LDLRAD1: variants seen among roughly 807,000 people sequenced by gnomAD.
The protein encoded by LDLRAD1 is low density lipoprotein receptor class A domain containing 1, also known as low-density lipoprotein receptor class A domain-containing protein 1.
LDLRAD1 carries 17 observed loss-of-function variants against 24.8 expected under a neutral mutation model. The ratio of observed to expected loss-of-function variants is 0.69; its 90% CI spans 0.47 to 1.03. The LOEUF is 1.03. Among genes scored for constraint, LDLRAD1 ranks in the 50% least tolerant of loss-of-function variants. The pLI, the probability that LDLRAD1 is intolerant of heterozygous loss-of-function variation, is 0.00. For missense variants in LDLRAD1, 277 were observed against 271.0 expected (o/e 1.02, Z -0.16); for synonymous variants, 103 against 108.2 (o/e 0.95, Z 0.30).
chr1:54,012,110 C>A (rs1656078065), intron 4 of LDLRAD1, 33 bp downstream of exon 4: 1 of 1,610,582 alleles, frequency 6.2e-7, no homozygotes, highest in Non-Finnish European at 8.5e-7. Flanking sequence ...GTGGGGGAAC[C>A]CCTGGGAGGG....
rs1485897356 is a variant in LDLRAD1 at position 54,015,941 on chromosome 1, C to T, written c.73+1435G>A. 2.6e-5 allele frequency among the ~76,000 whole-genome samples: 4 copies of T among 152,266 alleles called. No homozygotes were observed. The South Asian group carries it at 8.3e-4, about 31-fold the overall frequency. On this transcript the variant is annotated intron_variant, in intron 2 of 5. Transcript: ENST00000371360. The stretch of plus-strand genomic sequence containing the variant: ...AAGTGCTGGGATTACAGGTGTGAGC[C>T]ACCACACCGGCCTGGGGCTTTGTGA...
In LDLRAD1 at chr1:54,010,274, AC is replaced by A. The variant is rs1285240348; in HGVS notation, c.469+7del. 4.3e-6 allele frequency: 7 copies of A among 1,613,586 alleles called. No individual in the cohort carries two copies. ...CAGCCCCAGCCCAGCCTGTGCCCAG[AC>A]CCCTACCTGGGCTCAGTTCATCTGA... On this transcript the variant is annotated splice_region_variant and intron_variant, in intron 5 of 5. Coordinates refer to ENST00000371360, the MANE Select transcript of LDLRAD1 (RefSeq NM_001010978.4).
chr1:54,008,813 G>A lies in LDLRAD1; in HGVS notation c.*169C>T, dbSNP rs948870606. On this transcript the variant is annotated 3_prime_UTR_variant, in exon 6 of 6. Transcript: ENST00000371360. Reference sequence around the variant, plus strand: ...GCTCCTGGTCATTGGAAGCATTCAAGCAGAGGCTGAACAACTTGAAAGGAG... The same window carrying A: ...GCTCCTGGTCATTGGAAGCATTCAAACAGAGGCTGAACAACTTGAAAGGAG... 9.4e-6 allele frequency: 6 copies of A among 636,392 alleles called. No homozygotes were observed. Among genetic ancestry groups the A allele is most frequent in the Middle Eastern group, 3.4e-4 (1 of 2,916 alleles). The allele number at this position is 636,392 out of a possible 1,614,324, so 39.4% of individuals were successfully genotyped here.
At chr1:54,010,016 T>C (rs1057320100) in intron 5 of LDLRAD1, among the ~76,000 whole-genome samples, 1 of 152,198 alleles carries the variant, frequency 6.6e-6, no homozygotes, top group African/African-American at 2.4e-5. Flanking sequence ...ATGTACTCCT[T>C]GCATGACCAC....
At chr1:54,015,758 C>A (rs927428377) in intron 2 of LDLRAD1, among the ~76,000 whole-genome samples, 1 of 151,504 alleles carries the variant, frequency 6.6e-6, no homozygotes, top group Admixed American at 6.6e-5. Context: ...TGGGTTCAAG[C>A]GATTCTCCTG....
Position 54,008,830 on chromosome 1 carries a change from TGAAA to T in LDLRAD1, c.*148_*151del. The T allele has an allele frequency of 2.8e-6, 2 of 714,218 alleles. No homozygotes were observed. Among genetic ancestry groups the T allele is most frequent in the East Asian group, 5.4e-5 (2 of 37,056 alleles). 44.2% of individuals were successfully genotyped at this position (714,218 alleles called of 1,614,324 possible). On this transcript the variant is annotated 3_prime_UTR_variant, in exon 6 of 6. Transcript: ENST00000371360. Reference sequence around the variant, plus strand: ...GCATTCAAGCAGAGGCTGAACAACTTGAAAGGAGGAGAGAAAATTCCTATTCAGA... The same window carrying T: ...GCATTCAAGCAGAGGCTGAACAACTTGGAGGAGAGAAAATTCCTATTCAGA...
intron 4 of LDLRAD1, among the ~76,000 whole-genome samples, chr1:54,011,201 G>A (rs1656034758): frequency 6.6e-6 from 1 of 152,140 alleles, no homozygotes; most frequent in Non-Finnish European, 1.5e-5. Flanking sequence ...GAGGGCAAGG[G>A]AGCAATCTTC....
intron 4 of LDLRAD1, among the ~76,000 whole-genome samples, chr1:54,011,534 C>T (rs1342062906): frequency 2.0e-5 from 3 of 152,154 alleles, no homozygotes; most frequent in Non-Finnish European, 1.5e-5. Flanking sequence ...CTCCCCCACC[C>T]CACCCACTGC....
intron 2 of LDLRAD1, among the ~76,000 whole-genome samples, chr1:54,017,089 C>T (rs894252411): frequency 6.6e-6 from 1 of 152,216 alleles, no homozygotes; most frequent in African/African-American, 2.4e-5. Context: ...CGCTGGTGCT[C>T]TTTTCTCTGT....
intron 3 of LDLRAD1, among the ~76,000 whole-genome samples, chr1:54,013,158 C>T (rs368992931): frequency 6.9e-4 from 105 of 152,234 alleles, no homozygotes; most frequent in African/African-American, 2.4e-3. Flanking sequence ...ACTGCTGCAC[C>T]TATGTGCACA....
At chr1:54,016,764 T>C (rs1656326452) in intron 2 of LDLRAD1, among the ~76,000 whole-genome samples, 1 of 152,226 alleles carries the variant, frequency 6.6e-6, no homozygotes, top group South Asian at 2.1e-4. Context: ...ACAGGGCCCC[T>C]GTCTCAGAGC....
chr1:54,008,898 C>CA lies in LDLRAD1; in HGVS notation c.*83_*84insT. 1 of 1,119,078 alleles carries CA rather than the reference C, an allele frequency of 8.9e-7. No individual in the cohort carries two copies. The highest frequency in any genetic ancestry group is 1.2e-6 in the Non-Finnish European group (1 of 846,354). 69.3% of individuals were successfully genotyped at this position (1,119,078 alleles called of 1,614,324 possible). On this transcript the variant is annotated 3_prime_UTR_variant, in exon 6 of 6. Transcript: ENST00000371360. The stretch of plus-strand genomic sequence containing the variant: ...TCCCATTTCAAAGGCTGCTTCCTGC[C>CA]CTTGTGCGCTAGGATTTGATTTTCA...
At position 54,008,862 on chromosome 1, in the gene LDLRAD1, T is replaced by C. The variant is rs1655921210; in HGVS notation, c.*120A>G. 1 of 882,470 alleles carries C rather than the reference T, an allele frequency of 1.1e-6. No individual in the cohort carries two copies. The allele number at this position is 882,470 out of a possible 1,614,324, so 54.7% of individuals were successfully genotyped here. A position where few individuals can be genotyped will look rare whatever the true frequency, so the allele number is the denominator to read the frequency against. On this transcript the variant is annotated 3_prime_UTR_variant, in exon 6 of 6. Coordinates refer to ENST00000371360, the MANE Select transcript of LDLRAD1 (RefSeq NM_001010978.4). ...AGGAGAGAAAATTCCTATTCAGAAA[T>C]GATGTGTAGATCCCATTTCAAAGGC... is the stretch of plus-strand genomic sequence containing the variant.
chr1:54,012,317 T>C (rs773065821), intron 3 of LDLRAD1, 37 bp from the exon 4 acceptor site: 9 of 1,611,908 alleles, frequency 5.6e-6, no homozygotes, highest in Non-Finnish European at 7.6e-6. Flanking sequence ...GGGTCAAGGG[T>C]GGTGCTCACA....
intron 2 of LDLRAD1, 129 bp from the exon 3 acceptor site, chr1:54,014,493 G>T (rs1656213632): frequency 1.2e-5 from 11 of 903,266 alleles, no homozygotes; most frequent in Middle Eastern, 3.4e-4. Context: ...AGCAGGGATG[G>T]CTTCCCTGGA....
chr1:54,010,975 T>C (rs1251120396), intron 4 of LDLRAD1, among the ~76,000 whole-genome samples: 1 of 152,184 alleles, frequency 6.6e-6, no homozygotes, highest in African/African-American at 2.4e-5. Flanking sequence ...TAGAAAACCT[T>C]GGGCAGGGAG....
chr1:54,014,232 T>C lies in LDLRAD1; in HGVS notation c.202+4A>G, dbSNP rs200507421. 3.8e-4 allele frequency: 603 copies of C among 1,568,622 alleles called. 4 individuals are homozygous for C. In the African/African-American group the frequency reaches 7.5e-3, roughly 20 times the overall value. On this transcript the variant is annotated splice_donor_region_variant and intron_variant, in intron 3 of 5. Coordinates refer to ENST00000371360, the MANE Select transcript of LDLRAD1 (RefSeq NM_001010978.4). ...CTGACCCACCCTCTCTTGGCCGCCC[T>C]GACCTGGGGTGCATGATGGGAGTCC...
rs374189887 is a variant in LDLRAD1 at position 54,017,389 on chromosome 1, G to T, written c.60C>A (p.His20Gln). The T allele has an allele frequency of 6.2e-7, 1 of 1,603,292 alleles. No individual in the cohort carries two copies. The highest frequency in any genetic ancestry group is 8.5e-7 in the Non-Finnish European group (1 of 1,174,462). Residue 20 changes from histidine to glutamine, a missense_variant, in exon 2 of 6, where the codon CAC becomes CAA. By Grantham distance (24) the His-to-Gln change is conservative. Transcript: ENST00000371360. ...CCAGTTCTTTACCTTCCCCTCCAGG[G>T]TGGGCTTTGGATTCAGCAGCAGTGT... is the stretch of plus-strand genomic sequence containing the variant. The part of the protein sequence containing the change: ...NGYTAAESKA[H>Q]PGGEAGGGHL...
At chr1:54,013,912 G>T (rs933160450) in intron 3 of LDLRAD1, among the ~76,000 whole-genome samples, 13 of 152,058 alleles carry the variant, frequency 8.5e-5, no homozygotes, top group African/African-American at 2.4e-4. Flanking sequence ...GGGGTGGCCA[G>T]GCCAGGGGAA....
Sources: gnomAD v4.1 joint callset for allele counts (sites outside exome capture counted in the v4.1 genomes callset) on GRCh38, gnomAD v4.1.1 for gene constraint, MANE v1.5 for transcripts, NCBI Gene and HGNC (gene_info 2026-07-23, HGNC 2026-07-21) for gene names.